Variants in RNF150 observed in about 807,000 individuals in gnomAD.
The protein encoded by RNF150 is ring finger protein 150.
Under a neutral mutation model 39.3 loss-of-function variants are expected in RNF150, and 24 were observed. The ratio of observed to expected loss-of-function variants is 0.61; its 90% CI spans 0.44 to 0.86. The LOEUF (loss-of-function observed/expected upper bound fraction) is 0.86. Ranked by LOEUF, RNF150 falls within the 40% of genes least tolerant of loss-of-function variation. The pLI, the probability that RNF150 is intolerant of heterozygous loss-of-function variation, is 0.00. For synonymous variants in RNF150, 255 were observed against 227.3 expected, an observed-to-expected ratio of 1.12 and a Z score of -1.10; for missense variants, 502 against 587.8, an observed-to-expected ratio of 0.85 and a Z score of 1.51.
chr4:141,037,931 C>T (rs899035557), intron 1 of RNF150, among the ~76,000 whole-genome samples: 2 of 152,116 alleles, frequency 1.3e-5, no homozygotes, highest in Non-Finnish European at 2.9e-5. Context: ...TTTAAAACAG[C>T]TAACATGCAA....
At chr4:141,015,151 G>A (rs183820505) in intron 1 of RNF150, among the ~76,000 whole-genome samples, 28 of 152,048 alleles carry the variant, frequency 1.8e-4, no homozygotes, top group African/African-American at 4.8e-4. Flanking sequence ...TTATTTCTTC[G>A]TTTTCTATCC....
intron 1 of RNF150, among the ~76,000 whole-genome samples, chr4:141,195,801 T>C (rs1728192474): frequency 6.6e-6 from 1 of 152,196 alleles, no homozygotes; most frequent in Non-Finnish European, 1.5e-5. Context: ...GACTTGATTA[T>C]TGTTCATTGA....
rs1177102394 is a variant in RNF150 at position 140,861,711 on chromosome 4, A to G, written c.*6550T>C. On this transcript the variant is annotated 3_prime_UTR_variant, in exon 7 of 7. Coordinates refer to ENST00000515673, the MANE Select transcript of RNF150 (RefSeq NM_020724.2). ...TATCTTCTTCGAAAGAGCAGGATAT[A>G]CTATATTTAGCTAGCTCTTATACAT... The G allele has an allele frequency of 6.6e-6, 1 of 152,230 alleles. No individual in the cohort carries two copies. Among genetic ancestry groups the G allele is most frequent in the Non-Finnish European group, 1.5e-5 (1 of 68,034 alleles). The allele number at this position is 152,230 out of a possible 1,614,324, so 9.4% of individuals were successfully genotyped here.
At chr4:140,882,678 T>G (rs555245397) in intron 6 of RNF150, among the ~76,000 whole-genome samples, 8 of 152,302 alleles carry the variant, frequency 5.3e-5, no homozygotes, top group Non-Finnish European at 1.2e-4. Flanking sequence ...TATAATGACA[T>G]TCTTTGTCTC....
intron 1 of RNF150, among the ~76,000 whole-genome samples, chr4:141,059,934 T>G (rs931831863): frequency 8.5e-5 from 13 of 152,136 alleles, no homozygotes; most frequent in African/African-American, 2.7e-4. Flanking sequence ...TACTTTGCTA[T>G]GTGAAGAGGT....
intron 1 of RNF150, among the ~76,000 whole-genome samples, chr4:141,012,572 T>C (rs1174548644): frequency 1.3e-5 from 2 of 151,840 alleles, no homozygotes; most frequent in Admixed American, 1.3e-4. Flanking sequence ...TGGTGCACTT[T>C]GGGAGGCTGA....
chr4:141,000,010 AGAAGAAGAAG>A (rs1734565096), intron 1 of RNF150, among the ~76,000 whole-genome samples: 10 of 37,372 alleles, frequency 2.7e-4, no homozygotes, highest in South Asian at 1.0e-3. Flanking sequence ...AAGAAGAAGA[AGAAGAAGAAG>A]AAGAAGAAGA....
intron 1 of RNF150, among the ~76,000 whole-genome samples, chr4:141,051,883 T>C (rs1181491954): frequency 1.3e-5 from 2 of 152,154 alleles, no homozygotes; most frequent in Admixed American, 1.3e-4. Flanking sequence ...ATTTATGGTA[T>C]TAGTCCATTT....
intron 2 of RNF150, among the ~76,000 whole-genome samples, chr4:140,953,100 T>C (rs908911413): frequency 6.6e-6 from 1 of 152,202 alleles, no homozygotes. Flanking sequence ...TATAATCTTA[T>C]TGGACTACTG....
intron 4 of RNF150, among the ~76,000 whole-genome samples, chr4:140,947,168 G>GT (rs1732348375): frequency 1.3e-5 from 2 of 149,886 alleles, no homozygotes; most frequent in Non-Finnish European, 3.0e-5. Flanking sequence ...CTTTCTGTTA[G>GT]TTTAAAAAAA....
chr4:141,087,453 G>T (rs534908310), intron 1 of RNF150, among the ~76,000 whole-genome samples: 4 of 151,822 alleles, frequency 2.6e-5, no homozygotes, highest in African/African-American at 7.3e-5. Flanking sequence ...TACTCTATGG[G>T]GCTAATTACC....
rs116316394 is a variant in RNF150 at position 141,197,572 on chromosome 4, T to C, written c.-6+15222A>G. Among the ~76,000 whole-genome samples, 849 of 152,302 alleles carry C rather than the reference T, an allele frequency of 5.6e-3. 7 individuals carry two copies. The highest frequency in any genetic ancestry group is 0.019 in the African/African-American group (805 of 41,574). ...ACAATTTGTATTTTCTAAAGTCAAG[T>C]AATCAAATACTTAGAAATGACCTTG... is the stretch of plus-strand genomic sequence containing the variant. On this transcript the variant is annotated intron_variant, in intron 1 of 7. Coordinates refer to the RNF150 transcript ENST00000420921.
chr4:141,085,746 G>A (rs1738339686), intron 1 of RNF150, among the ~76,000 whole-genome samples: 1 of 152,140 alleles, frequency 6.6e-6, no homozygotes, highest in South Asian at 2.1e-4. Context: ...GACACCTATG[G>A]TGAGACAAGT....
At chr4:141,058,121 C>T (rs1421271121) in intron 1 of RNF150, among the ~76,000 whole-genome samples, 2 of 152,082 alleles carry the variant, frequency 1.3e-5, no homozygotes, top group African/African-American at 4.8e-5. Context: ...GGATACATCC[C>T]TGTTAAAATG....
chr4:140,916,884 T>C (rs184834620), intron 5 of RNF150, among the ~76,000 whole-genome samples: 3,130 of 152,324 alleles, frequency 0.021, 28 homozygotes, highest in East Asian at 0.039. Flanking sequence ...TGGGAGCCAA[T>C]ATTCAATATT....
chr4:141,048,334 C>T (rs1560708795), intron 1 of RNF150, among the ~76,000 whole-genome samples: 1 of 152,142 alleles, frequency 6.6e-6, no homozygotes. Flanking sequence ...TTGGCTATGT[C>T]TGAAGAAATG....
At chr4:140,888,704 G>A (rs1351207391) in intron 6 of RNF150, among the ~76,000 whole-genome samples, 1 of 152,220 alleles carries the variant, frequency 6.6e-6, no homozygotes, top group African/African-American at 2.4e-5. Flanking sequence ...CACAGCTCAT[G>A]TAGCAGTCTC....
intron 5 of RNF150, among the ~76,000 whole-genome samples, chr4:140,917,962 A>C (rs1176733755): frequency 6.6e-6 from 1 of 152,056 alleles, no homozygotes; most frequent in East Asian, 1.9e-4. Context: ...AACGAAATGA[A>C]GGCAGAAATA....
intron 1 of RNF150, among the ~76,000 whole-genome samples, chr4:141,105,506 A>G (rs1425030317): frequency 1.3e-5 from 2 of 151,888 alleles, no homozygotes; most frequent in Non-Finnish European, 2.9e-5. Flanking sequence ...CTTGCCACCA[A>G]TCTCCCAAAT....
Sources: gnomAD v4.1 joint callset for allele counts (sites outside exome capture counted in the v4.1 genomes callset) on GRCh38, gnomAD v4.1.1 for gene constraint, MANE v1.5 for transcripts, NCBI Gene and HGNC (gene_info 2026-07-23, HGNC 2026-07-21) for gene names.